Variants in ZNF462 observed in about 807,000 individuals in gnomAD.
ZNF462 encodes zinc finger PBX1-interacting protein.
ZNF462 carries 10 observed loss-of-function variants against 201.9 expected under a neutral mutation model. That is an observed-to-expected ratio of 0.05 (90% CI 0.03 to 0.08). The LOEUF is 0.08. Among genes scored for constraint, ZNF462 ranks in the 10% least tolerant of loss-of-function variants. ZNF462 has a pLI of 1.00. For synonymous variants in ZNF462, 1,227 were observed against 1,193.3 expected (o/e 1.03, Z -0.58); for missense variants, 2,523 against 3,168.3 (o/e 0.80, Z 4.89).
chr9:106,878,455 T>A (rs1232475137), intron 1 of ZNF462, among the ~76,000 whole-genome samples: 1 of 152,248 alleles, frequency 6.6e-6, no homozygotes, highest in Non-Finnish European at 1.5e-5. Context: ...TCATGTGTTT[T>A]ATAGAAGCTG....
chr9:106,897,613 T>C (rs1034002408), intron 1 of ZNF462, among the ~76,000 whole-genome samples: 7 of 152,334 alleles, frequency 4.6e-5, no homozygotes, highest in Middle Eastern at 3.4e-3. Context: ...AAATTATGTT[T>C]TGTAAGGGCA....
In ZNF462 at chr9:106,863,221, C is replaced by G. The variant is rs1022623563; in HGVS notation, c.-165C>G. ...ATGGCGATCCTCCATTGCTGAGACC[C>G]GGCAGAAGCACATGAGACTCCCAAA... On this transcript the variant is annotated 5_prime_UTR_variant, in exon 1 of 13. Transcript: ENST00000277225. 1 of 399,206 alleles carries G rather than the reference C, an allele frequency of 2.5e-6. No homozygotes were observed. 24.7% of individuals were successfully genotyped at this position (399,206 alleles called of 1,614,324 possible).
intron 1 of ZNF462, among the ~76,000 whole-genome samples, chr9:106,864,039 G>GCGCTCTCTCTCTCT (rs1564062266): frequency 1.8e-4 from 4 of 22,760 alleles, no homozygotes; most frequent in East Asian, 1.3e-3. Context: ...CAGGTATTTG[G>GCGCTCTCTCTCTCT]CTCTCTCTCT....
At position 106,928,047 on chromosome 9, in the gene ZNF462, G is replaced by T. The variant is rs762153588; in HGVS notation, c.4135G>T (p.Val1379Phe). Residue 1379 changes from valine (V) to phenylalanine (F), a missense_variant, in exon 3 of 13, where the codon GTT (valine) becomes TTT (phenylalanine). Val to Phe is a conservative substitution (Grantham distance 50). Around this residue, in one of 15 missense-constraint regions of ZNF462, gnomAD observed 165 missense variants for 142.6 expected, o/e 1.16. Transcript: ENST00000277225. The surrounding 1 kb of genome is among the most constrained non-coding windows in gnomAD (Gnocchi z 9.3). Reference protein sequence around the residue: ...YRCRDCVFEAVSIWDITNHYQ... With the variant: ...YRCRDCVFEAFSIWDITNHYQ... ...ATGCAGGGACTGTGTTTTCGAAGCT[G>T]TTTCCATCTGGGACATCACTAATCA... The T allele has an allele frequency of 6.2e-7, 1 of 1,614,168 alleles. No homozygotes were observed.
rs1232592887 is a variant in ZNF462 at position 107,003,010 on chromosome 9, C to T, written c.7057-284C>T. Among the ~76,000 whole-genome samples the T allele has an allele frequency of 6.6e-6, 1 of 152,312 alleles. No individual in the cohort carries two copies. Among genetic ancestry groups the T allele is most frequent in the African/African-American group, 2.4e-5 (1 of 41,586 alleles). On this transcript the variant is annotated intron_variant, in intron 10 of 12. Coordinates refer to ENST00000277225, the MANE Select transcript of ZNF462 (RefSeq NM_021224.6). This position sits in a 1 kb window ranked among gnomAD's most constrained non-coding sequence, Gnocchi z 4.4. Reference sequence around the variant, plus strand: ...ACTCTATACTCTAGCCTTCATTTTACTTTTGGTCTCCTGCGTACTATAGCT... The same window carrying T: ...ACTCTATACTCTAGCCTTCATTTTATTTTTGGTCTCCTGCGTACTATAGCT...
At chr9:106,964,245 T>C (rs1382165296) in intron 7 of ZNF462, among the ~76,000 whole-genome samples, 6 of 152,060 alleles carry the variant, frequency 3.9e-5, no homozygotes, top group Non-Finnish European at 1.5e-5. Flanking sequence ...GGAAATTCTA[T>C]GCTATTTTCC....
chr9:106,927,073 C>T lies in ZNF462; in HGVS notation c.3161C>T (p.Pro1054Leu). The T allele has an allele frequency of 6.2e-7, 1 of 1,613,828 alleles. No individual in the cohort carries two copies. The highest frequency in any genetic ancestry group is 1.7e-5 in the Admixed American group (1 of 59,968). ...SVLVHYQKKHPEEKASYFRIQ... is the reference protein window; with the variant it reads ...SVLVHYQKKHLEEKASYFRIQ... ...TTGGTTCATTATCAGAAGAAACACC[C>T]CGAAGAAAAGGCTTCCTACTTTAGG... The change falls in exon 3 of 13, where the codon CCC becomes CTC. Residue 1054 changes from proline (P) to leucine (L), a missense_variant. Transcript: ENST00000277225.
intron 9 of ZNF462, among the ~76,000 whole-genome samples, chr9:106,980,689 C>T (rs772992384): frequency 1.3e-5 from 2 of 152,262 alleles, no homozygotes; most frequent in Non-Finnish European, 2.9e-5. Context: ...GCTGCAGCAC[C>T]AAGCATCTTT....
At chr9:106,916,767 C>A (rs1331894578) in intron 1 of ZNF462, among the ~76,000 whole-genome samples, 1 of 152,172 alleles carries the variant, frequency 6.6e-6, no homozygotes, top group South Asian at 2.1e-4. Flanking sequence ...TCTCATTTAT[C>A]ATGGTTGCAT....
chr9:106,908,939 A>ATG (rs1829416926), intron 1 of ZNF462, among the ~76,000 whole-genome samples: 1 of 29,948 alleles, frequency 3.3e-5, no homozygotes, highest in African/African-American at 2.0e-4. Flanking sequence ...ATATATATAT[A>ATG]TATTTTTTTT....
At chr9:106,958,190 A>C (rs1373980025) in intron 7 of ZNF462, among the ~76,000 whole-genome samples, 1 of 151,272 alleles carries the variant, frequency 6.6e-6, no homozygotes, top group Non-Finnish European at 1.5e-5. Flanking sequence ...ATGCATTTCT[A>C]CCAAGCCTCC....
chr9:106,874,648 A>G (rs1827747848), intron 1 of ZNF462, among the ~76,000 whole-genome samples: 1 of 152,190 alleles, frequency 6.6e-6, no homozygotes, highest in Non-Finnish European at 1.5e-5. Context: ...AGATCACATA[A>G]AATAGCACGT....
At chr9:106,861,472 A>T (rs1229199555), upstream of ZNF462, among the ~76,000 whole-genome samples, 1 of 152,178 alleles carries the variant, frequency 6.6e-6, no homozygotes, top group Admixed American at 6.5e-5. Flanking sequence ...CCTCAATGCA[A>T]AGGAATCCAG....
In ZNF462 at chr9:106,927,730, C is replaced by A. The variant is rs536091643; in HGVS notation, c.3818C>A (p.Thr1273Asn). ...CTCAAATGTAGGCAGTGCTCATATA[C>A]CTCCCCCTACTTCTATGCACTGAGG... ...RALKCRQCSY[T>N]SPYFYALRKH... Residue 1273 changes from threonine to asparagine, a missense_variant, in exon 3 of 13, where the codon ACC becomes AAC. Thr to Asn is a moderately conservative substitution (Grantham distance 65). This residue lies in a region of ZNF462 where 222 missense variants were observed against 271.6 expected (regional missense o/e 0.82). Coordinates refer to ENST00000277225, the MANE Select transcript of ZNF462 (RefSeq NM_021224.6). 2 of 1,614,074 alleles carry A rather than the reference C, an allele frequency of 1.2e-6. No homozygotes were observed. The highest frequency in any genetic ancestry group is 2.2e-5 in the South Asian group (2 of 91,068).
intron 1 of ZNF462, among the ~76,000 whole-genome samples, chr9:106,892,166 T>C (rs185136128): frequency 3.3e-5 from 5 of 152,312 alleles, no homozygotes; most frequent in African/African-American, 1.2e-4. Context: ...TTGAAAATTA[T>C]TAGCAGCTGG....
rs1196140290 is a variant in ZNF462 at position 106,930,318 on chromosome 9, ATG to A, written c.5848-205_5848-204del. 6.6e-6 allele frequency among the ~76,000 whole-genome samples: 1 copy of A among 152,200 alleles called. No individual in the cohort carries two copies. Among genetic ancestry groups the A allele is most frequent in the African/African-American group, 2.4e-5 (1 of 41,448 alleles). ...AAATCTTCTCTACTCACAAGCCGTA[ATG>A]TATTTGGGTTTCAAAGACTTTGCAT... On this transcript the variant is annotated intron_variant, in intron 3 of 12. Transcript: ENST00000277225. The surrounding 1 kb of genome is among the most constrained non-coding windows in gnomAD (Gnocchi z 5.8).
intron 1 of ZNF462, among the ~76,000 whole-genome samples, chr9:106,899,218 GTGTGTGTA>G (rs1828943203): frequency 8.9e-6 from 1 of 112,378 alleles, no homozygotes; most frequent in Non-Finnish European, 1.8e-5. Flanking sequence ...GAGAGAGAAT[GTGTGTGTA>G]TGTGTGTGTG....
At position 106,984,119 on chromosome 9, in the gene ZNF462, C is replaced by G; in HGVS notation, c.6833-67C>G. On this transcript the variant is annotated intron_variant, in intron 9 of 12. Transcript: ENST00000277225. The surrounding 1 kb of genome is among the most constrained non-coding windows in gnomAD (Gnocchi z 6.4). ...ATTGGGTGAGTTTCTTCTTGTATTC[C>G]AAAGAAAGAACTTCTGTTTTGCCAT... is the stretch of plus-strand genomic sequence containing the variant. 6.8e-7 allele frequency: 1 copy of G among 1,466,202 alleles called. No homozygotes were observed. Among genetic ancestry groups the G allele is most frequent in the Non-Finnish European group, 9.3e-7 (1 of 1,069,970 alleles). The allele number at this position is 1,466,202 out of a possible 1,614,324, so 90.8% of individuals were successfully genotyped here. A position where few individuals can be genotyped will look rare whatever the true frequency, so the allele number is the denominator to read the frequency against.
intron 10 of ZNF462, among the ~76,000 whole-genome samples, chr9:106,997,612 T>C (rs879392490): frequency 2.0e-5 from 3 of 152,194 alleles, no homozygotes; most frequent in Non-Finnish European, 2.9e-5. Context: ...TCAAGATTTT[T>C]TTACCTGCAC....
Sources: gnomAD v4.1 joint callset for allele counts (sites outside exome capture counted in the v4.1 genomes callset) on GRCh38, gnomAD v4.1.1 for gene constraint, gnomAD v4.1.1 regional missense constraint, Gnocchi (gnomAD v3.1) non-coding constraint, MANE v1.5 for transcripts, NCBI Gene and HGNC (gene_info 2026-07-23, HGNC 2026-07-21) for gene names.